GMDS: variants seen among roughly 807,000 people sequenced by gnomAD.
GMDS encodes GDP-mannose 4,6 dehydratase.
GMDS carries 20 observed loss-of-function variants against 49.9 expected under a neutral mutation model. The ratio of observed to expected loss-of-function variants is 0.40; its 90% CI spans 0.28 to 0.58. GMDS has a LOEUF of 0.58. Among genes scored for constraint, GMDS ranks in the 20% least tolerant of loss-of-function variants. The pLI is 0.42. For synonymous variants in GMDS, 177 were observed against 178.6 expected, an observed-to-expected ratio of 0.99 and a Z score of 0.07; for missense variants, 362 against 481.4, an observed-to-expected ratio of 0.75 and a Z score of 2.32.
At chr6:2,115,398 T>C (rs1445690914) in intron 4 of GMDS, among the ~76,000 whole-genome samples, 1 of 152,234 alleles carries the variant, frequency 6.6e-6, no homozygotes, top group Non-Finnish European at 1.5e-5. Context: ...TACCAAAAAT[T>C]GATATTAACA....
rs1007727328 is a variant in GMDS, at chr6:2,191,906, A to G, written c.102+53415T>C. Among the ~76,000 whole-genome samples the G allele has an allele frequency of 6.6e-6, 1 of 152,090 alleles. No homozygotes were observed. The highest frequency in any genetic ancestry group is 2.4e-5 in the African/African-American group (1 of 41,428). On this transcript the variant is annotated intron_variant, in intron 1 of 10. Coordinates refer to ENST00000380815, the MANE Select transcript of GMDS (RefSeq NM_001500.4). The surrounding 1 kb of genome is among the most constrained non-coding windows in gnomAD (Gnocchi z 4.6). ...GGGAGCCAGGCCACCAGTCCCACAG[A>G]CCACACTGCAGGCTTATGGTGACTT...
rs139400574 is a variant in GMDS, at chr6:2,175,027, C to G, written c.103-50296G>C. 7.2e-3 allele frequency among the ~76,000 whole-genome samples: 1,100 copies of G among 152,266 alleles called. 6 individuals carry two copies. Among genetic ancestry groups the G allele is most frequent in the Non-Finnish European group, 0.011 (779 of 68,014 alleles). On this transcript the variant is annotated intron_variant, in intron 1 of 10. Transcript: ENST00000380815. ...TCTAGGCAGGCCACACAGACCACACCAGAGGAACTATCTCATCATCTGAAG... is the reference window on the plus strand; with the variant it reads ...TCTAGGCAGGCCACACAGACCACACGAGAGGAACTATCTCATCATCTGAAG...
intron 4 of GMDS, among the ~76,000 whole-genome samples, chr6:2,062,437 T>C (rs969231894): frequency 6.6e-6 from 1 of 152,058 alleles, no homozygotes; most frequent in African/African-American, 2.4e-5. Flanking sequence ...GGAAGAGGGA[T>C]CCCATACACT....
intron 7 of GMDS, among the ~76,000 whole-genome samples, chr6:1,839,894 C>A (rs1757083267): frequency 6.6e-6 from 1 of 152,176 alleles, no homozygotes; most frequent in Admixed American, 6.5e-5. Context: ...GCTTTAGAAC[C>A]AGTTTCGTCT....
intron 1 of GMDS, among the ~76,000 whole-genome samples, chr6:2,136,227 C>A (rs1481942912): frequency 6.6e-6 from 1 of 152,180 alleles, no homozygotes; most frequent in Non-Finnish European, 1.5e-5. Context: ...TATCACAATT[C>A]AAATGTAAAT....
chr6:2,145,138 A>C (rs190882566), intron 1 of GMDS, among the ~76,000 whole-genome samples: 165 of 152,338 alleles, frequency 1.1e-3, no homozygotes, highest in Admixed American at 1.9e-3. Flanking sequence ...AGGTAGTATG[A>C]ATAGATTTCA....
At chr6:1,832,801 C>T (rs966549855) in intron 7 of GMDS, among the ~76,000 whole-genome samples, 7 of 152,228 alleles carry the variant, frequency 4.6e-5, no homozygotes, top group African/African-American at 1.7e-4. Context: ...GCGAACTTTT[C>T]ATTTTCTGTC....
At chr6:2,162,710 A>AC (rs55843427) in intron 1 of GMDS, among the ~76,000 whole-genome samples, 4 of 144,770 alleles carry the variant, frequency 2.8e-5, no homozygotes, top group African/African-American at 5.1e-5. Flanking sequence ...ACACACACAC[A>AC]AAACTTTCCT....
intron 4 of GMDS, among the ~76,000 whole-genome samples, chr6:2,066,693 C>A (rs1385737318): frequency 2.6e-5 from 4 of 152,180 alleles, no homozygotes; most frequent in Non-Finnish European, 5.9e-5. Context: ...GTAAAGGGAT[C>A]AATTCAACAA....
intron 7 of GMDS, among the ~76,000 whole-genome samples, chr6:1,752,340 A>AGAAT (rs1485058496): frequency 6.6e-6 from 1 of 152,258 alleles, no homozygotes; most frequent in Admixed American, 6.5e-5. Flanking sequence ...TAGAGAAAAA[A>AGAAT]GAATGAAAAG....
chr6:1,633,347 A>C (rs1388929407), intron 9 of GMDS, among the ~76,000 whole-genome samples: 1 of 152,144 alleles, frequency 6.6e-6, no homozygotes, highest in Non-Finnish European at 1.5e-5. Flanking sequence ...TTCTGCAAAC[A>C]TTTCACAGTC....
At chr6:1,942,208 T>C (rs1396077107) in intron 6 of GMDS, among the ~76,000 whole-genome samples, 1 of 152,196 alleles carries the variant, frequency 6.6e-6, no homozygotes, top group East Asian at 1.9e-4. Flanking sequence ...CTGCACCCAG[T>C]AGCCCGGGAG....
intron 7 of GMDS, among the ~76,000 whole-genome samples, chr6:1,770,964 C>G (rs1188067624): frequency 6.6e-6 from 1 of 152,228 alleles, no homozygotes; most frequent in African/African-American, 2.4e-5. Flanking sequence ...CATTTTCAGG[C>G]AGTCCCAGAT....
chr6:1,879,556 ATTC>A (rs1266181787), intron 7 of GMDS, among the ~76,000 whole-genome samples: 1 of 151,930 alleles, frequency 6.6e-6, no homozygotes, highest in Non-Finnish European at 1.5e-5. Context: ...ACAGAAACCT[ATTC>A]TTATTTCTTA....
At chr6:2,018,816 T>C (rs1768066050) in intron 4 of GMDS, among the ~76,000 whole-genome samples, 1 of 152,174 alleles carries the variant, frequency 6.6e-6, no homozygotes, top group Non-Finnish European at 1.5e-5. Context: ...GGTTTTTCTA[T>C]GAATATGCAT....
intron 7 of GMDS, among the ~76,000 whole-genome samples, chr6:1,754,669 G>A (rs1767872418): frequency 6.6e-6 from 1 of 152,122 alleles, no homozygotes; most frequent in African/African-American, 2.4e-5. Flanking sequence ...ACATCAAAAA[G>A]CTTATCCACC....
At chr6:1,819,361 GATTC>G (rs1196680175) in intron 7 of GMDS, among the ~76,000 whole-genome samples, 1 of 152,150 alleles carries the variant, frequency 6.6e-6, no homozygotes, top group Non-Finnish European at 1.5e-5. Flanking sequence ...TTATTCGACG[GATTC>G]ATTATTTTCT....
intron 4 of GMDS, among the ~76,000 whole-genome samples, chr6:1,997,647 G>A (rs1040464047): frequency 1.3e-5 from 2 of 151,940 alleles, no homozygotes; most frequent in African/African-American, 2.4e-5. Flanking sequence ...ATTCTTGTCT[G>A]TTCCCAGGAA....
chr6:1,661,371 G>C (rs563355613), intron 9 of GMDS, among the ~76,000 whole-genome samples: 2 of 152,254 alleles, frequency 1.3e-5, no homozygotes, highest in South Asian at 4.2e-4. Flanking sequence ...CAACATTTAA[G>C]CAGCTTTGCA....
Sources: allele counts gnomAD v4.1 joint callset (sites outside exome capture counted in the v4.1 genomes callset), GRCh38; gene constraint gnomAD v4.1.1; non-coding constraint Gnocchi (gnomAD v3.1); transcripts MANE v1.5; gene names NCBI Gene and HGNC (gene_info 2026-07-23, HGNC 2026-07-21).